Variants in FOXJ2 observed in about 807,000 individuals in gnomAD.
The protein encoded by FOXJ2 is forkhead box J2, also known as forkhead box protein J2.
In FOXJ2, 18 loss-of-function variants were observed where a neutral mutation model predicts 68.4. That is an observed-to-expected ratio of 0.26 (90% CI 0.18 to 0.39). The LOEUF (loss-of-function observed/expected upper bound fraction) is 0.39, where lower values mean the gene tolerates loss of function less well. FOXJ2 is among the 10% of genes least tolerant of loss of function. The pLI, the probability that FOXJ2 is intolerant of heterozygous loss-of-function variation, is 1.00. For missense variants in FOXJ2, 670 were observed against 726.5 expected, an observed-to-expected ratio of 0.92 and a Z score of 0.89; for synonymous variants, 274 against 263.2, an observed-to-expected ratio of 1.04 and a Z score of -0.40.
At chr12:8,049,971 C>G (rs1012359518) in intron 9 of FOXJ2, 2 of 242,618 alleles carry the variant, frequency 8.2e-6, no homozygotes, top group African/African-American at 4.5e-5. Flanking sequence ...GTTCCTGTTT[C>G]TTGCTTTTTG....
At chr12:8,037,883 G>C (rs141924938) in intron 1 of FOXJ2, among the ~76,000 whole-genome samples, 2 of 152,312 alleles carry the variant, frequency 1.3e-5, no homozygotes, top group African/African-American at 4.8e-5. Flanking sequence ...GAAGGTGTGA[G>C]GTTCCTGGAA....
At position 8,038,425 on chromosome 12, in the gene FOXJ2, C is replaced by T. The variant is rs1461821391; in HGVS notation, c.-14-1394C>T. On this transcript the variant is annotated intron_variant, in intron 1 of 10. Coordinates refer to ENST00000162391, the MANE Select transcript of FOXJ2 (RefSeq NM_018416.3). This position sits in a 1 kb window ranked among gnomAD's most constrained non-coding sequence, Gnocchi z 5.3. Reference sequence around the variant, plus strand: ...TGGATACGCTTGTGCATATATCTGGCTGTGGATTTAGAGATCACTTACATC... The same window carrying T: ...TGGATACGCTTGTGCATATATCTGGTTGTGGATTTAGAGATCACTTACATC... Among the ~76,000 whole-genome samples the T allele has an allele frequency of 6.6e-6, 1 of 152,144 alleles. No individual in the cohort carries two copies. Among genetic ancestry groups the T allele is most frequent in the Non-Finnish European group, 1.5e-5 (1 of 68,024 alleles).
rs12580604 is a variant in FOXJ2, at chr12:8,040,201, G to C, written c.333+36G>C. On this transcript the variant is annotated intron_variant, in intron 2 of 10. Transcript: ENST00000162391. The surrounding 1 kb of genome is among the most constrained non-coding windows in gnomAD (Gnocchi z 4.0). ...TTCTATAATCTTGGCTTAGGTTTAG[G>C]CTTCAACAGCCTTTTTAGAGAAAAA... 15,210 of 1,591,762 alleles carry C rather than the reference G, an allele frequency of 9.6e-3. 549 individuals carry two copies. The highest frequency in any genetic ancestry group is 0.095 in the African/African-American group (7,077 of 74,418).
Position 8,032,791 on chromosome 12 carries a change from C to T in FOXJ2, c.-1057C>T, listed in dbSNP as rs1591572812. On this transcript the variant is annotated 5_prime_UTR_variant, in exon 1 of 11. Coordinates refer to ENST00000162391, the MANE Select transcript of FOXJ2 (RefSeq NM_018416.3). This position sits in a 1 kb window ranked among gnomAD's most constrained non-coding sequence, Gnocchi z 4.8. ...GCCCGCCTTCTGGCTCCCCGGGAGC[C>T]CAGACTGGTCGGAGCCCGAGCGGTG... 2 of 398,262 alleles carry T rather than the reference C, an allele frequency of 5.0e-6. No individual in the cohort carries two copies. Among genetic ancestry groups the T allele is most frequent in the East Asian group, 3.6e-5 (1 of 28,012 alleles). 24.7% of individuals were successfully genotyped at this position (398,262 alleles called of 1,614,324 possible).
At position 8,049,503 on chromosome 12, in the gene FOXJ2, C is replaced by A; in HGVS notation, c.1469C>A (p.Pro490Gln). The A allele has an allele frequency of 6.2e-7, 1 of 1,613,992 alleles. No homozygotes were observed. The highest frequency in any genetic ancestry group is 2.2e-5 in the East Asian group (1 of 44,874). ...CCTCAAGGGGGTACCCACCGCCCAC[C>A]AGCCCCTGCCCGTATTGCTGACTCC... Reference protein sequence around the residue: ...VPPQGGTHRPPAPARIADSCA... With the variant: ...VPPQGGTHRPQAPARIADSCA... The change falls in exon 9 of 11, where the codon CCA becomes CAA. Residue 490 changes from proline (P) to glutamine (Q), a missense_variant. Pro to Gln is a moderately conservative substitution (Grantham distance 76, BLOSUM62 -1). This residue lies in a region of FOXJ2 where 555 missense variants were observed against 562.2 expected (regional missense o/e 0.99). Coordinates refer to ENST00000162391, the MANE Select transcript of FOXJ2 (RefSeq NM_018416.3).
intron 6 of FOXJ2, among the ~76,000 whole-genome samples, chr12:8,046,186 G>A (rs1015713957): frequency 6.6e-6 from 1 of 152,198 alleles, no homozygotes; most frequent in African/African-American, 2.4e-5. Flanking sequence ...GGACGACCAC[G>A]AGGGGGCAGC....
Position 8,051,993 on chromosome 12 carries a change from C to T in FOXJ2, c.1637-769C>T, listed in dbSNP as rs185106727. Among the ~76,000 whole-genome samples, 1,232 of 151,790 alleles carry T rather than the reference C, an allele frequency of 8.1e-3. 16 individuals are homozygous for T. The highest frequency in any genetic ancestry group is 0.028 in the African/African-American group (1,139 of 41,406). On this transcript the variant is annotated intron_variant, in intron 10 of 10. Transcript: ENST00000162391. ...AAGTGATTCTCGAGCCTCAGCCTCC[C>T]GAGCAGCTGGGATCACAGGCGCCCG...
rs1947146928 is a variant in FOXJ2, at chr12:8,053,081, C to G, written c.*231C>G. The G allele has an allele frequency of 5.1e-6, 1 of 196,130 alleles. No homozygotes were observed. Among genetic ancestry groups the G allele is most frequent in the Admixed American group, 5.9e-5 (1 of 16,980 alleles). The allele number at this position is 196,130 out of a possible 1,614,324, so 12.1% of individuals were successfully genotyped here. Reference sequence around the variant, plus strand: ...TTTTCCTAGTTCTTTTATTATTATTCTTATATTATTATTATTATTATTGGT... The same window carrying G: ...TTTTCCTAGTTCTTTTATTATTATTGTTATATTATTATTATTATTATTGGT... On this transcript the variant is annotated 3_prime_UTR_variant, in exon 11 of 11. Coordinates refer to ENST00000162391, the MANE Select transcript of FOXJ2 (RefSeq NM_018416.3). The surrounding 1 kb of genome is among the most constrained non-coding windows in gnomAD (Gnocchi z 4.1).
At chr12:8,045,363 C>T (rs937435677) in intron 6 of FOXJ2, among the ~76,000 whole-genome samples, 4 of 152,010 alleles carry the variant, frequency 2.6e-5, no homozygotes, top group East Asian at 3.9e-4. Flanking sequence ...AGACTACAGG[C>T]GCATGCCACA....
chr12:8,050,995 T>TC (rs1283306964), intron 10 of FOXJ2, among the ~76,000 whole-genome samples: 7 of 110,376 alleles, frequency 6.3e-5, no homozygotes, highest in African/African-American at 2.5e-4. Context: ...CCCCTTCCCT[T>TC]CCCTTTCCTT....
In FOXJ2 at chr12:8,040,398, C is replaced by T. The variant is rs1048828629; in HGVS notation, c.333+233C>T. Reference sequence around the variant, plus strand: ...AAGTATAGTGATGGGGATGGCAGGACGCTGTTGCTCATCACACCCTCTTAT... The same window carrying T: ...AAGTATAGTGATGGGGATGGCAGGATGCTGTTGCTCATCACACCCTCTTAT... On this transcript the variant is annotated intron_variant, in intron 2 of 10. Transcript: ENST00000162391. The surrounding 1 kb of genome is among the most constrained non-coding windows in gnomAD (Gnocchi z 4.0). 9.9e-5 allele frequency among the ~76,000 whole-genome samples: 15 copies of T among 151,542 alleles called. No individual in the cohort carries two copies. Among genetic ancestry groups the T allele is most frequent in the African/African-American group, 3.2e-4 (13 of 41,254 alleles).
rs113133502 is a variant in FOXJ2 at position 8,038,139 on chromosome 12, T to C, written c.-14-1680T>C. Among the ~76,000 whole-genome samples, 2,100 of 152,178 alleles carry C rather than the reference T, an allele frequency of 0.014. 44 individuals are homozygous for C. The highest frequency in any genetic ancestry group is 0.047 in the African/African-American group (1,941 of 41,502). Reference sequence around the variant, plus strand: ...GTTTCCTTCAGCCTTGTGGAGTGAGTGTGTTGCTGGTTAGGAGCTGGGTAC... The same window carrying C: ...GTTTCCTTCAGCCTTGTGGAGTGAGCGTGTTGCTGGTTAGGAGCTGGGTAC... On this transcript the variant is annotated intron_variant, in intron 1 of 10. Transcript: ENST00000162391. This position sits in a 1 kb window ranked among gnomAD's most constrained non-coding sequence, Gnocchi z 5.3.
chr12:8,039,800 C>T lies in FOXJ2; in HGVS notation c.-14-19C>T. 6.3e-7 allele frequency: 1 copy of T among 1,584,864 alleles called. No individual in the cohort carries two copies. The highest frequency in any genetic ancestry group is 8.6e-7 in the Non-Finnish European group (1 of 1,162,938). Reference sequence around the variant, plus strand: ...TACTTGCCCCCAGTATTTTCGTCTCCTCTTTGTCTTCTCTGCAGAACCCAG... The same window carrying T: ...TACTTGCCCCCAGTATTTTCGTCTCTTCTTTGTCTTCTCTGCAGAACCCAG... On this transcript the variant is annotated intron_variant, in intron 1 of 10. Coordinates refer to ENST00000162391, the MANE Select transcript of FOXJ2 (RefSeq NM_018416.3).
chr12:8,044,828 C>G lies in FOXJ2; in HGVS notation c.687C>G (p.Pro229=), dbSNP rs35642012. 199,874 of 1,613,034 alleles carry G rather than the reference C, an allele frequency of 0.12. 13,737 individuals are homozygous for G. The highest frequency in any genetic ancestry group is 0.14 in the Non-Finnish European group (168,166 of 1,179,108). ...GASGRESAEG[P]PPLYNTNHDF... ...CAGGCCGAGAAAGTGCTGAGGGTCC[C>G]CCTCCCCTCTATAACACCAACCATG... The change falls in exon 6 of 11, where the codon CCC becomes CCG. Residue 229 remains proline, a synonymous_variant. Coordinates refer to ENST00000162391, the MANE Select transcript of FOXJ2 (RefSeq NM_018416.3).
chr12:8,035,552 C>T lies in FOXJ2; in HGVS notation c.-15+1719C>T, dbSNP rs945951193. On this transcript the variant is annotated intron_variant, in intron 1 of 10. Coordinates refer to ENST00000162391, the MANE Select transcript of FOXJ2 (RefSeq NM_018416.3). The surrounding 1 kb of genome is among the most constrained non-coding windows in gnomAD (Gnocchi z 4.0). ...CCCCTACCTTTTACAAAAGAGGCCT[C>T]GCTGGTTAACAGCAGCCTGTTTCTT... Among the ~76,000 whole-genome samples the T allele has an allele frequency of 2.0e-5, 3 of 152,176 alleles. No individual in the cohort carries two copies. Among genetic ancestry groups the T allele is most frequent in the South Asian group, 2.1e-4 (1 of 4,830 alleles).
rs1339168458 is a variant in FOXJ2 at position 8,038,093 on chromosome 12, C to T, written c.-14-1726C>T. ...GTTAGAGTTGCGTCTCTTGCTGCCC[C>T]CGCCCCTGAGGCACTAAGGTGTTTC... On this transcript the variant is annotated intron_variant, in intron 1 of 10. Coordinates refer to ENST00000162391, the MANE Select transcript of FOXJ2 (RefSeq NM_018416.3). The surrounding 1 kb of genome is among the most constrained non-coding windows in gnomAD (Gnocchi z 5.3). Among the ~76,000 whole-genome samples the T allele has an allele frequency of 1.3e-5, 2 of 152,188 alleles. No individual in the cohort carries two copies. The highest frequency in any genetic ancestry group is 2.9e-5 in the Non-Finnish European group (2 of 68,038).
At position 8,040,422 on chromosome 12, in the gene FOXJ2, A is replaced by G. The variant is rs1345799295; in HGVS notation, c.333+257A>G. Reference sequence around the variant, plus strand: ...ACGCTGTTGCTCATCACACCCTCTTATCTTCTTTTTTTTTTTTGAGACAGA... The same window carrying G: ...ACGCTGTTGCTCATCACACCCTCTTGTCTTCTTTTTTTTTTTTGAGACAGA... On this transcript the variant is annotated intron_variant, in intron 2 of 10. Coordinates refer to ENST00000162391, the MANE Select transcript of FOXJ2 (RefSeq NM_018416.3). The surrounding 1 kb of genome is among the most constrained non-coding windows in gnomAD (Gnocchi z 4.0). 1.3e-5 allele frequency among the ~76,000 whole-genome samples: 2 copies of G among 150,252 alleles called. No homozygotes were observed. The highest frequency in any genetic ancestry group is 4.9e-5 in the African/African-American group (2 of 40,844).
Position 8,040,238 on chromosome 12 carries a change from T to C in FOXJ2, c.333+73T>C. The C allele has an allele frequency of 6.8e-7, 1 of 1,464,956 alleles. No homozygotes were observed. The highest frequency in any genetic ancestry group is 9.3e-7 in the Non-Finnish European group (1 of 1,070,572). 90.7% of individuals were successfully genotyped at this position (1,464,956 alleles called of 1,614,324 possible). On this transcript the variant is annotated intron_variant, in intron 2 of 10. Transcript: ENST00000162391. The surrounding 1 kb of genome is among the most constrained non-coding windows in gnomAD (Gnocchi z 4.0). ...TTTTTAGAGAAAAAGGTTTTGTTTC[T>C]TCTTGTAACCTGTTCAGTTTACTCT...
intron 7 of FOXJ2, 75 bp downstream of exon 7, chr12:8,048,364 CAGTT>C (rs1275806594): frequency 1.2e-4 from 181 of 1,497,972 alleles, no homozygotes; most frequent in Non-Finnish European, 4.2e-5. Flanking sequence ...CATGGAGGTG[CAGTT>C]AGTTAGGAAG....
Sources: gnomAD v4.1 joint callset for allele counts (sites outside exome capture counted in the v4.1 genomes callset) on GRCh38, gnomAD v4.1.1 for gene constraint, gnomAD v4.1.1 regional missense constraint, Gnocchi (gnomAD v3.1) non-coding constraint, MANE v1.5 for transcripts, NCBI Gene and HGNC (gene_info 2026-07-23, HGNC 2026-07-21) for gene names.